The following NOSIP variants were observed in gnomAD, a reference collection of about 807,000 sequenced individuals.
NOSIP encodes nitric oxide synthase interacting protein.
A neutral mutation model predicts 36.4 loss-of-function variants in NOSIP; 25 were observed. The observed-to-expected ratio is 0.69, with a 90% confidence interval of 0.50 to 0.96. The LOEUF (loss-of-function observed/expected upper bound fraction) is 0.96. Ranked by LOEUF, NOSIP falls within the 40% of genes least tolerant of loss-of-function variation. The pLI, the probability that NOSIP is intolerant of heterozygous loss-of-function variation, is 0.00. For missense variants in NOSIP, 370 were observed against 429.0 expected (o/e 0.86, Z 1.21); for synonymous variants, 187 against 179.2 (o/e 1.04, Z -0.35).
Position 49,557,911 on chromosome 19 carries a change from G to A in NOSIP, c.259-662C>T, listed in dbSNP as rs542764441. Reference sequence around the variant, plus strand: ...ATGAGGGCCTCCGACATGACCACCAGGCTGTGTGGAGGACATGGGCACAGG... The same window carrying A: ...ATGAGGGCCTCCGACATGACCACCAAGCTGTGTGGAGGACATGGGCACAGG... On this transcript the variant is annotated intron_variant, in intron 4 of 8. Coordinates refer to ENST00000596358, the MANE Select transcript of NOSIP (RefSeq NM_001270960.2). 6.1e-5 allele frequency: 60 copies of A among 987,542 alleles called. No individual in the cohort carries two copies. In the South Asian group the frequency reaches 2.1e-3, roughly 35 times the overall value. The allele number at this position is 987,542 out of a possible 1,614,324, so 61.2% of individuals were successfully genotyped here. A position where few individuals can be genotyped will look rare whatever the true frequency, so the allele number is the denominator to read the frequency against.
chr19:49,556,518 G>A, intron 7 of NOSIP, 31 bp downstream of exon 7: 1 of 1,605,864 alleles, frequency 6.2e-7, no homozygotes, highest in East Asian at 2.2e-5. Context: ...GTTCCCGAGT[G>A]GTCCCTTCCC....
intron 1 of NOSIP, among the ~76,000 whole-genome samples, chr19:49,563,630 A>C (rs1409676148): frequency 6.6e-6 from 1 of 151,842 alleles, no homozygotes; most frequent in East Asian, 1.9e-4. Flanking sequence ...AGTAGCTGGG[A>C]TTACAGGTGC....
Position 49,560,414 on chromosome 19 carries a change from T to G in NOSIP, c.70+208A>C. 1.7e-6 allele frequency: 1 copy of G among 593,680 alleles called. No individual in the cohort carries two copies. The highest frequency in any genetic ancestry group is 4.2e-4 in the Middle Eastern group (1 of 2,360). 36.8% of individuals were successfully genotyped at this position (593,680 alleles called of 1,614,324 possible). On this transcript the variant is annotated intron_variant, in intron 2 of 8. Coordinates refer to ENST00000596358, the MANE Select transcript of NOSIP (RefSeq NM_001270960.2). The surrounding 1 kb of genome is among the most constrained non-coding windows in gnomAD (Gnocchi z 4.6). ...CTCCCTGACACTCTGTTGGGAGGAG[T>G]GAGTTCATGCGCAGAAGGCAGAGAA... is the stretch of plus-strand genomic sequence containing the variant.
At chr19:49,571,496 A>G (rs2080483713) in intron 1 of NOSIP, among the ~76,000 whole-genome samples, 1 of 152,134 alleles carries the variant, frequency 6.6e-6, no homozygotes. Context: ...AGCATTTCAG[A>G]GAGGAAACAG....
chr19:49,560,766 C>T lies in NOSIP; in HGVS notation c.-1-74G>A, dbSNP rs2080322764. On this transcript the variant is annotated intron_variant, in intron 1 of 8. Transcript: ENST00000596358. The surrounding 1 kb of genome is among the most constrained non-coding windows in gnomAD (Gnocchi z 4.6). ...GCACAGGGAAGACCTCTGCAGCCCTCAGAGCTGATCTGCCCCCCTTGATGG... is the reference window on the plus strand; with the variant it reads ...GCACAGGGAAGACCTCTGCAGCCCTTAGAGCTGATCTGCCCCCCTTGATGG... 3 of 1,105,356 alleles carry T rather than the reference C, an allele frequency of 2.7e-6. No individual in the cohort carries two copies. The highest frequency in any genetic ancestry group is 4.0e-5 in the Admixed American group (2 of 50,308). 68.5% of individuals were successfully genotyped at this position (1,105,356 alleles called of 1,614,324 possible).
rs776444209 is a variant in NOSIP at position 49,556,959 on chromosome 19, T to C, written c.453A>G (p.Pro151=). ...GCAGCACTTTGTCCTTGTCCTTACT[T>C]GGAGGACCCACACTGGGCCCAGGTT... ...DVQPGPSVGP[P]SKDKDKVLPS... is the part of the protein sequence containing the mutation. The change falls in exon 6 of 9, where the codon CCA becomes CCG. Residue 151 remains proline, a synonymous_variant. Coordinates refer to ENST00000596358, the MANE Select transcript of NOSIP (RefSeq NM_001270960.2). 9 of 1,612,174 alleles carry C rather than the reference T, an allele frequency of 5.6e-6. No homozygotes were observed. In the South Asian group the frequency reaches 9.9e-5, roughly 18 times the overall value.
intron 1 of NOSIP, among the ~76,000 whole-genome samples, chr19:49,564,471 A>AC (rs1203822976): frequency 6.6e-6 from 1 of 151,458 alleles, no homozygotes; most frequent in Admixed American, 6.6e-5. Context: ...AAAAAAAAAA[A>AC]AAAAACAAAA....
intron 1 of NOSIP, among the ~76,000 whole-genome samples, chr19:49,568,797 AGTT>A (rs2080444580): frequency 7.6e-6 from 1 of 131,058 alleles, no homozygotes; most frequent in African/African-American, 3.3e-5. Context: ...AAAAAAAAAT[AGTT>A]TGTTTGTTTG....
chr19:49,568,810 G>GTT (rs1200980202), intron 1 of NOSIP, among the ~76,000 whole-genome samples: 1 of 118,046 alleles, frequency 8.5e-6, no homozygotes, highest in Non-Finnish European at 1.6e-5. Flanking sequence ...TTGTTTGTTT[G>GTT]TTTTTTTTTT....
intron 4 of NOSIP, 194 bp downstream of exon 4, chr19:49,558,703 T>A (rs1488958653): frequency 1.5e-6 from 1 of 650,770 alleles, no homozygotes; most frequent in Non-Finnish European, 2.8e-6. Context: ...GGGCAGATCC[T>A]GGGGACTGGC....
chr19:49,556,703 G>C lies in NOSIP; in HGVS notation c.571C>G (p.Pro191Ala). 6.2e-7 allele frequency: 1 copy of C among 1,609,446 alleles called. No homozygotes were observed. The highest frequency in any genetic ancestry group is 8.5e-7 in the Non-Finnish European group (1 of 1,177,410). ...GGCGTCAGGTCCGACATGCGCAGGGGCTTCCCTGACATGGGGCAGGTCACC... is the reference window on the plus strand; with the variant it reads ...GGCGTCAGGTCCGACATGCGCAGGGCCTTCCCTGACATGGGGCAGGTCACC... ...RTVTCPMSGK[P>A]LRMSDLTPVH... The change falls in exon 7 of 9, where the codon CCC becomes GCC. Residue 191 changes from proline to alanine, a missense_variant. Physicochemically the swap from Pro to Ala is conservative, Grantham distance 27. Around this residue, in one of 3 missense-constraint regions of NOSIP, gnomAD observed 315 missense variants for 331.9 expected, o/e 0.95. Transcript: ENST00000596358.
At chr19:49,579,190 C>A (rs557807129) in intron 1 of NOSIP, 1 of 152,298 alleles carries the variant, frequency 6.6e-6, no homozygotes, top group South Asian at 2.1e-4. Context: ...TGACTCTGCA[C>A]CACGTAATGG....
rs145072172 is a variant in NOSIP, at chr19:49,557,737, G to A, written c.259-488C>T. 224 of 991,624 alleles carry A rather than the reference G, an allele frequency of 2.3e-4. No individual in the cohort carries two copies. In the African/African-American group the frequency reaches 3.6e-3, roughly 16 times the overall value. The allele number at this position is 991,624 out of a possible 1,614,324, so 61.4% of individuals were successfully genotyped here. ...TGCTGAGGAGCCCATGTCTATGGAC[G>A]GACAGTGAGTGAGGACGGGAGAAGT... On this transcript the variant is annotated intron_variant, in intron 4 of 8. Transcript: ENST00000596358.
intron 1 of NOSIP, among the ~76,000 whole-genome samples, chr19:49,568,463 G>A (rs911294224): frequency 6.6e-6 from 1 of 152,150 alleles, no homozygotes; most frequent in African/African-American, 2.4e-5. Context: ...ATAGCAGAGT[G>A]CAGTTTCCTG....
At chr19:49,570,701 C>G (rs545488538) in intron 1 of NOSIP, among the ~76,000 whole-genome samples, 1 of 152,268 alleles carries the variant, frequency 6.6e-6, no homozygotes, top group East Asian at 1.9e-4. Flanking sequence ...CGTCCAACAC[C>G]TGTTGCCTCC....
At chr19:49,576,385 C>G (rs893510522) in intron 1 of NOSIP, among the ~76,000 whole-genome samples, 1 of 150,976 alleles carries the variant, frequency 6.6e-6, no homozygotes, top group African/African-American at 2.4e-5. Flanking sequence ...TTGCTATGGG[C>G]AACATAGCAA....
chr19:49,572,724 A>C (rs943458182), intron 1 of NOSIP, among the ~76,000 whole-genome samples: 1 of 151,998 alleles, frequency 6.6e-6, no homozygotes, highest in Non-Finnish European at 1.5e-5. Flanking sequence ...CTGTAATCCC[A>C]GCACTTTGGG....
At chr19:49,563,978 C>T (rs2080369415) in intron 1 of NOSIP, among the ~76,000 whole-genome samples, 1 of 152,198 alleles carries the variant, frequency 6.6e-6, no homozygotes, top group African/African-American at 2.4e-5. Flanking sequence ...CATTTCTAGA[C>T]AGTCTGCAAG....
chr19:49,577,320 A>T (rs1599768065), intron 1 of NOSIP, among the ~76,000 whole-genome samples: 1 of 152,300 alleles, frequency 6.6e-6, no homozygotes, highest in East Asian at 1.9e-4. Flanking sequence ...GCACTTTGGG[A>T]GGCCAAAGCG....
Sources: allele counts gnomAD v4.1 joint callset (sites outside exome capture counted in the v4.1 genomes callset), GRCh38; gene constraint gnomAD v4.1.1; regional missense constraint gnomAD v4.1.1; non-coding constraint Gnocchi (gnomAD v3.1); transcripts MANE v1.5; gene names NCBI Gene and HGNC (gene_info 2026-07-23, HGNC 2026-07-21).